SCN8A: variants seen among roughly 807,000 people sequenced by gnomAD.
The protein encoded by SCN8A is sodium channel protein type 8 subunit alpha.
A neutral mutation model predicts 184.1 loss-of-function variants in SCN8A; 30 were observed. The ratio of observed to expected loss-of-function variants is 0.16; its 90% confidence interval spans 0.12 to 0.22. SCN8A has a LOEUF of 0.22. Ranked by LOEUF, SCN8A falls within the 10% of genes least tolerant of loss-of-function variation. The pLI is 1.00. For missense variants in SCN8A, 1,057 were observed against 2,498.9 expected, an observed-to-expected ratio of 0.42 and a Z score of 12.30; for synonymous variants, 852 against 907.0, an observed-to-expected ratio of 0.94 and a Z score of 1.09.
chr12:51,618,339 C>T (rs569307792), intron 1 of SCN8A, among the ~76,000 whole-genome samples: 1 of 152,022 alleles, frequency 6.6e-6, no homozygotes, highest in Non-Finnish European at 1.5e-5. Flanking sequence ...TAGGGGCTCC[C>T]TTTTCTGTTT....
intron 12 of SCN8A, among the ~76,000 whole-genome samples, chr12:51,724,799 G>A (rs533540539): frequency 6.6e-4 from 100 of 152,336 alleles, no homozygotes; most frequent in African/African-American, 2.2e-3. Flanking sequence ...AAGGTATTCA[G>A]AAAGAAGGAG....
intron 1 of SCN8A, among the ~76,000 whole-genome samples, chr12:51,617,332 T>A (rs1413983848): frequency 6.6e-6 from 1 of 152,166 alleles, no homozygotes; most frequent in East Asian, 1.9e-4. Flanking sequence ...TCAGCTTGGA[T>A]AATTTGTGTA....
At chr12:51,662,503 A>C (rs781593899) in intron 1 of SCN8A, among the ~76,000 whole-genome samples, 3 of 152,100 alleles carry the variant, frequency 2.0e-5, no homozygotes, top group Non-Finnish European at 4.4e-5. Context: ...CCTTTTTGTC[A>C]TATGTGGTTC....
intron 11 of SCN8A, among the ~76,000 whole-genome samples, chr12:51,714,173 A>G (rs764543858): frequency 6.6e-6 from 1 of 152,214 alleles, no homozygotes; most frequent in African/African-American, 2.4e-5. Context: ...ACCTTTTCAG[A>G]TAACTGTGAA....
intron 16 of SCN8A, among the ~76,000 whole-genome samples, chr12:51,767,852 C>G (rs1942861999): frequency 6.6e-6 from 1 of 152,176 alleles, no homozygotes. Context: ...GTCTGAATGA[C>G]TCTTTCAAAT....
chr12:51,706,815 C>T, intron 11 of SCN8A, 100 bp downstream of exon 11: 1 of 877,682 alleles, frequency 1.1e-6, no homozygotes, highest in Non-Finnish European at 1.6e-6. Context: ...TTTAAGTGTA[C>T]CGTTCAGTGT....
chr12:51,786,453 C>G, intron 21 of SCN8A, 89 bp from the exon 22 acceptor site: 1 of 1,385,740 alleles, frequency 7.2e-7, no homozygotes. Flanking sequence ...ACAGAACAAG[C>G]CACACAATGT....
At chr12:51,757,929 A>G (rs942400316) in intron 14 of SCN8A, among the ~76,000 whole-genome samples, 7 of 152,232 alleles carry the variant, frequency 4.6e-5, no homozygotes, top group Middle Eastern at 3.2e-3. Flanking sequence ...TAAAAGTGCT[A>G]TGTCTATTGA....
chr12:51,663,562 C>CG (rs936330270), intron 2 of SCN8A, among the ~76,000 whole-genome samples: 5 of 152,178 alleles, frequency 3.3e-5, no homozygotes, highest in African/African-American at 1.2e-4. Flanking sequence ...AGGAATAAAA[C>CG]TGAGTAAAGC....
intron 1 of SCN8A, among the ~76,000 whole-genome samples, chr12:51,646,906 GTAC>G (rs1940602725): frequency 6.6e-6 from 1 of 152,222 alleles, no homozygotes; most frequent in Non-Finnish European, 1.5e-5. Flanking sequence ...ATGGATGTAT[GTAC>G]AAGGTGGAAA....
intron 1 of SCN8A, among the ~76,000 whole-genome samples, chr12:51,612,072 C>T (rs1021213300): frequency 5.3e-5 from 8 of 152,060 alleles, no homozygotes; most frequent in Non-Finnish European, 1.0e-4. Flanking sequence ...ATGTGGGTAG[C>T]GAGACTGGAC....
chr12:51,770,694 G>A lies in SCN8A; in HGVS notation c.3645+11G>A. Reference sequence around the variant, plus strand: ...AGCAGTGGCGCCCTGGTGAGGTCCAGGGGAGAGTGTGAGGAGGGATTGGCT... The same window carrying A: ...AGCAGTGGCGCCCTGGTGAGGTCCAAGGGAGAGTGTGAGGAGGGATTGGCT... On this transcript the variant is annotated intron_variant, in intron 19 of 26. Transcript: ENST00000627620. 1.9e-6 allele frequency: 3 copies of A among 1,613,440 alleles called. No individual in the cohort carries two copies. Among genetic ancestry groups the A allele is most frequent in the Non-Finnish European group, 2.5e-6 (3 of 1,179,492 alleles).
Position 51,721,755 on chromosome 12 carries a change from C to A in SCN8A, c.1845C>A (p.Ser615Arg). 3 of 1,607,548 alleles carry A rather than the reference C, an allele frequency of 1.9e-6. No individual in the cohort carries two copies. Among genetic ancestry groups the A allele is most frequent in the Non-Finnish European group, 2.5e-6 (3 of 1,177,660 alleles). The change falls in exon 12 of 27, where the codon AGC becomes AGA. Residue 615 changes from serine (S) to arginine (R), a missense_variant. Coordinates refer to ENST00000627620, the MANE Select transcript of SCN8A (RefSeq NM_001330260.2). ...CCCGCGAGCGCCGGAGCAGCTACAGCGGCTACAGCGGCTACAGCCAGGGCA... is the reference window on the plus strand; with the variant it reads ...CCCGCGAGCGCCGGAGCAGCTACAGAGGCTACAGCGGCTACAGCCAGGGCA... Reference protein sequence around the residue: ...IRARERRSSYSGYSGYSQGSR... With the variant: ...IRARERRSSYRGYSGYSQGSR...
At chr12:51,658,720 A>C (rs933920865) in intron 1 of SCN8A, among the ~76,000 whole-genome samples, 1 of 152,216 alleles carries the variant, frequency 6.6e-6, no homozygotes, top group African/African-American at 2.4e-5. Flanking sequence ...TTAGAACTAG[A>C]TAACTGGTAG....
chr12:51,727,807 CA>C (rs1225831594), intron 12 of SCN8A, among the ~76,000 whole-genome samples: 1 of 152,132 alleles, frequency 6.6e-6, no homozygotes, highest in Non-Finnish European at 1.5e-5. Context: ...TACTAAAATA[CA>C]AAAATTAACC....
At chr12:51,765,155 C>T (rs1445958680) in intron 15 of SCN8A, among the ~76,000 whole-genome samples, 1 of 151,992 alleles carries the variant, frequency 6.6e-6, no homozygotes, top group Non-Finnish European at 1.5e-5. Flanking sequence ...CCAAGTTATT[C>T]CAAGCATATC....
At chr12:51,610,506 A>G (rs1245328840) in intron 1 of SCN8A, among the ~76,000 whole-genome samples, 1 of 152,094 alleles carries the variant, frequency 6.6e-6, no homozygotes, top group Non-Finnish European at 1.5e-5. Flanking sequence ...TTTATGCTTT[A>G]AAGTGGTTCT....
chr12:51,691,954 C>G (rs1484714266), intron 6 of SCN8A, among the ~76,000 whole-genome samples: 1 of 152,150 alleles, frequency 6.6e-6, no homozygotes, highest in Non-Finnish European at 1.5e-5. Context: ...GGCGGGAGCA[C>G]CAGTGTATGA....
intron 11 of SCN8A, among the ~76,000 whole-genome samples, chr12:51,715,952 T>A (rs113557529): frequency 6.6e-6 from 1 of 152,192 alleles, no homozygotes. Context: ...CTGGGAGATA[T>A]AAGGATGAAT....
Sources: gnomAD v4.1 joint callset for allele counts (sites outside exome capture counted in the v4.1 genomes callset) on GRCh38, gnomAD v4.1.1 for gene constraint, MANE v1.5 for transcripts, NCBI Gene and HGNC (gene_info 2026-07-23, HGNC 2026-07-21) for gene names.